The following ADAM20 variants were observed in gnomAD, a reference collection of about 807,000 sequenced individuals.
ADAM20 encodes ADAM metallopeptidase domain 20.
For synonymous variants in ADAM20, 305 were observed against 310.2 expected, an observed-to-expected ratio of 0.98 and a Z score of 0.18; for missense variants, 871 against 883.2, an observed-to-expected ratio of 0.99 and a Z score of 0.18.
chr14:70,524,243 C>T lies in ADAM20; in HGVS notation c.515G>A (p.Arg172Lys). Residue 172 changes from arginine (R) to lysine (K), a missense_variant, in exon 2 of 2, where the codon AGA becomes AAA. Coordinates refer to ENST00000256389, the MANE Select transcript of ADAM20 (RefSeq NM_003814.5). ...DSDDTQFPPM[R>K]CGLTEEKIAH... ...TATTTTCTCTTCTGTTAACCCACATCTCATAGGTGGAAACTGTGTATCATC... is the reference window on the plus strand; with the variant it reads ...TATTTTCTCTTCTGTTAACCCACATTTCATAGGTGGAAACTGTGTATCATC... The T allele has an allele frequency of 6.2e-7, 1 of 1,614,004 alleles. No individual in the cohort carries two copies. The highest frequency in any genetic ancestry group is 8.5e-7 in the Non-Finnish European group (1 of 1,179,928).
chr14:70,543,267 C>G, the ADAM20 span, among the ~76,000 whole-genome samples: 1 of 152,196 alleles, frequency 6.6e-6, no homozygotes, highest in East Asian at 1.9e-4. Flanking sequence ...TACTATGCTA[C>G]CCTTGGGGGA....
the ADAM20 span, among the ~76,000 whole-genome samples, chr14:70,565,121 G>A: frequency 2.0e-5 from 3 of 150,884 alleles, no homozygotes; most frequent in African/African-American, 7.3e-5. Context: ...TTTTATTAAA[G>A]AATAACTGGA....
intron 1 of ADAM20, among the ~76,000 whole-genome samples, chr14:70,532,924 A>G (rs753722253): frequency 6.6e-6 from 1 of 152,208 alleles, no homozygotes; most frequent in Non-Finnish European, 1.5e-5. Context: ...GAATAATGTT[A>G]TAACACATGA....
chr14:70,524,203 C>T lies in ADAM20; in HGVS notation c.555G>A (p.Glu185=). 6 of 1,613,964 alleles carry T rather than the reference C, an allele frequency of 3.7e-6. No homozygotes were observed. Among genetic ancestry groups the T allele is most frequent in the Non-Finnish European group, 4.2e-6 (5 of 1,179,940 alleles). ...GAGTGAAATTATATGACAATTGCAA[C>T]TCCATCTGGTGTGCTATTTTCTCTT... The part of the protein sequence containing the change: ...LTEEKIAHQM[E]LQLSYNFTLK... Residue 185 remains glutamate (E), a synonymous_variant, in exon 2 of 2, where the codon GAG becomes GAA. Coordinates refer to ENST00000256389, the MANE Select transcript of ADAM20 (RefSeq NM_003814.5).
chr14:70,565,145 AAG>A, the ADAM20 span, among the ~76,000 whole-genome samples: 1 of 151,598 alleles, frequency 6.6e-6, no homozygotes, highest in South Asian at 2.1e-4. Context: ...AAAAAATCGC[AAG>A]AGAGGTTCAA....
At chr14:70,577,932 A>C in the ADAM20 span, among the ~76,000 whole-genome samples, 1 of 152,228 alleles carries the variant, frequency 6.6e-6, no homozygotes, top group East Asian at 1.9e-4. Flanking sequence ...AACACTTAGA[A>C]GAAAACATAA....
chr14:70,563,174 C>T, the ADAM20 span, among the ~76,000 whole-genome samples: 1 of 152,164 alleles, frequency 6.6e-6, no homozygotes, highest in African/African-American at 2.4e-5. Flanking sequence ...ACCCATTTGG[C>T]CAGGTCTAAG....
At chr14:70,571,094 A>G in the ADAM20 span, among the ~76,000 whole-genome samples, 1 of 152,236 alleles carries the variant, frequency 6.6e-6, no homozygotes, top group Non-Finnish European at 1.5e-5. Context: ...ACATCGAAGG[A>G]ACATACCTCA....
chr14:70,568,660 A>G, the ADAM20 span, among the ~76,000 whole-genome samples: 3 of 152,206 alleles, frequency 2.0e-5, no homozygotes, highest in African/African-American at 7.2e-5. Context: ...GAAAGACAAG[A>G]TAGCTGTATT....
In ADAM20 at chr14:70,522,588, C is replaced by T. The variant is rs756143531; in HGVS notation, c.2170G>A (p.Glu724Lys). 2.5e-6 allele frequency: 4 copies of T among 1,602,678 alleles called. No individual in the cohort carries two copies. The highest frequency in any genetic ancestry group is 3.4e-6 in the Non-Finnish European group (4 of 1,174,770). The change falls in exon 2 of 2, where the codon GAA becomes AAA. Residue 724 changes from glutamate to lysine, a missense_variant. Physicochemically the swap from Glu to Lys is moderately conservative, Grantham distance 56 (BLOSUM62 1). Transcript: ENST00000256389. The stretch of plus-strand genomic sequence containing the variant: ...TTTTCCCATTTCTCTTATCCTTCTT[C>T]ATCTTCTTTACTTTTTGTGCGTTTC... Reference protein sequence around the residue: ...FKKRTKSKEDEEG With the variant: ...FKKRTKSKEDKEG
intron 1 of ADAM20, among the ~76,000 whole-genome samples, chr14:70,534,131 C>T (rs1158004448): frequency 2.2e-5 from 3 of 136,664 alleles, no homozygotes; most frequent in Non-Finnish European, 4.7e-5. Context: ...CACACGCACA[C>T]AAAAACACTT....
At chr14:70,533,607 G>A (rs181854249) in intron 1 of ADAM20, among the ~76,000 whole-genome samples, 2 of 152,172 alleles carry the variant, frequency 1.3e-5, no homozygotes, top group Admixed American at 1.3e-4. Flanking sequence ...TTGAGGGATG[G>A]GGGGCAAGGG....
chr14:70,536,465 CAAAAAAAA>C (rs56738784), upstream of ADAM20, among the ~76,000 whole-genome samples: 520 of 43,062 alleles, frequency 0.012, 3 homozygotes, highest in South Asian at 0.041. Context: ...AACTCTGTCT[CAAAAAAAA>C]AAAAAAAAAA....
the ADAM20 span, among the ~76,000 whole-genome samples, chr14:70,562,595 G>A: frequency 1.3e-5 from 2 of 152,184 alleles, no homozygotes; most frequent in Non-Finnish European, 2.9e-5. Flanking sequence ...GGTTGGAGGT[G>A]ACTGGATCAT....
the ADAM20 span, among the ~76,000 whole-genome samples, chr14:70,575,468 C>T: frequency 6.6e-6 from 1 of 151,970 alleles, no homozygotes; most frequent in Non-Finnish European, 1.5e-5. Flanking sequence ...ATAGATCCCA[C>T]GTTAACTATT....
intron 1 of ADAM20, among the ~76,000 whole-genome samples, chr14:70,534,448 G>A (rs1883787640): frequency 6.6e-6 from 1 of 151,586 alleles, no homozygotes; most frequent in Non-Finnish European, 1.5e-5. Flanking sequence ...ACCAAAAGGT[G>A]GAAAAAAAAT....
At position 70,523,030 on chromosome 14, in the gene ADAM20, T is replaced by C. The variant is rs1883487901; in HGVS notation, c.1728A>G (p.Ile576Met). Reference protein sequence around the residue: ...CENVGVIPNLIEHSTVQQFHL... With the variant: ...CENVGVIPNLMEHSTVQQFHL... ...GAAACTGCTGCACTGTAGAATGCTC[T>C]ATCAGATTGGGAATTACTCCCACAT... The change falls in exon 2 of 2, where the codon ATA (isoleucine) becomes ATG (methionine). Residue 576 changes from isoleucine (I) to methionine (M), a missense_variant. Physicochemically the swap from Ile to Met is conservative, Grantham distance 10. Coordinates refer to ENST00000256389, the MANE Select transcript of ADAM20 (RefSeq NM_003814.5). The C allele has an allele frequency of 6.2e-7, 1 of 1,614,018 alleles. No homozygotes were observed. The highest frequency in any genetic ancestry group is 1.6e-4 in the Middle Eastern group (1 of 6,062).
Position 70,524,710 on chromosome 14 carries a change from C to CA in ADAM20, c.47dup (p.Leu17AlafsTer48). The CA allele has an allele frequency of 1.2e-6, 2 of 1,613,968 alleles. No homozygotes were observed. The highest frequency in any genetic ancestry group is 2.2e-5 in the South Asian group (2 of 91,076). ...TAGACAAAAACATCCCAAACCAGAG[C>CA]AGCAGAAGAGTGACCCTGATGTGCA... is the stretch of plus-strand genomic sequence containing the variant. On this transcript the variant is annotated frameshift_variant, in exon 2 of 2. Coordinates refer to ENST00000256389, the MANE Select transcript of ADAM20 (RefSeq NM_003814.5). LOFTEE classifies it low-confidence loss of function (END_TRUNC).
chr14:70,578,497 A>T, the ADAM20 span, among the ~76,000 whole-genome samples: 2 of 152,106 alleles, frequency 1.3e-5, no homozygotes, highest in Admixed American at 1.3e-4. Context: ...GACAAATGAG[A>T]CTCACTTGAA....
Sources: allele counts gnomAD v4.1 joint callset (sites outside exome capture counted in the v4.1 genomes callset), GRCh38; gene constraint gnomAD v4.1.1; transcripts MANE v1.5; gene names NCBI Gene and HGNC (gene_info 2026-07-23, HGNC 2026-07-21).